Variants in BTRC observed in about 807,000 individuals in gnomAD.
The protein encoded by BTRC is F-box/WD repeat-containing protein 1A.
A neutral mutation model predicts 85.5 loss-of-function variants in BTRC; 42 were observed. The observed-to-expected ratio is 0.49, with a 90% CI of 0.38 to 0.64. The LOEUF is 0.64. Ranked by LOEUF, BTRC falls within the 30% of genes least tolerant of loss-of-function variation. The probability of loss-of-function intolerance (pLI) is 0.00; values close to 1 mark genes in which losing one functional copy is unlikely to be tolerated. For synonymous variants in BTRC, 255 were observed against 263.3 expected (o/e 0.97, Z 0.30); for missense variants, 594 against 743.5 (o/e 0.80, Z 2.34).
chr10:101,501,217 C>T (rs994603693), intron 4 of BTRC, among the ~76,000 whole-genome samples: 12 of 151,254 alleles, frequency 7.9e-5, no homozygotes, highest in Non-Finnish European at 1.2e-4. Context: ...TATGCTTAAA[C>T]GCCAATATGA....
chr10:101,518,339 G>T (rs1436417787), intron 4 of BTRC, among the ~76,000 whole-genome samples: 1 of 152,142 alleles, frequency 6.6e-6, no homozygotes, highest in African/African-American at 2.4e-5. Flanking sequence ...TGCCCATGTG[G>T]CCCCTCTGTA....
chr10:101,495,322 C>G (rs1036748108), intron 4 of BTRC, among the ~76,000 whole-genome samples: 1 of 152,192 alleles, frequency 6.6e-6, no homozygotes, highest in African/African-American at 2.4e-5. Flanking sequence ...TTTTAAGCCT[C>G]CTTTCTAAGT....
intron 1 of BTRC, among the ~76,000 whole-genome samples, chr10:101,407,283 G>A (rs538215696): frequency 6.9e-4 from 105 of 152,200 alleles, no homozygotes; most frequent in Non-Finnish European, 1.3e-3. Context: ...AGGAGTTTGA[G>A]GTTCTAGGGA....
intron 1 of BTRC, among the ~76,000 whole-genome samples, chr10:101,389,842 C>CT (rs1943192122): frequency 6.6e-6 from 1 of 152,036 alleles, no homozygotes; most frequent in Admixed American, 6.6e-5. Flanking sequence ...CCAGCCTGGT[C>CT]TTGACCTCTT....
rs1945085088 is a variant in BTRC at position 101,456,409 on chromosome 10, A to AG, written c.157-5572_157-5571insG. Reference sequence around the variant, plus strand: ...TAGCTAGATATGTTCAAAGAAAAAAAAGGAATGAGTAAAAACTGACTCTGA... The same window carrying AG: ...TAGCTAGATATGTTCAAAGAAAAAAAGAGGAATGAGTAAAAACTGACTCTGA... On this transcript the variant is annotated intron_variant, in intron 2 of 14. Coordinates refer to ENST00000370187, the MANE Select transcript of BTRC (RefSeq NM_033637.4). 1.2e-4 allele frequency among the ~76,000 whole-genome samples: 18 copies of AG among 152,300 alleles called. No individual in the cohort carries two copies. In the South Asian group the frequency reaches 3.7e-3, roughly 32 times the overall value.
At position 101,538,303 on chromosome 10, in the gene BTRC, G is replaced by C; in HGVS notation, c.1588G>C (p.Val530Leu). Residue 530 changes from valine to leucine, a missense_variant, in exon 13 of 15, where the codon GTG becomes CTG. By Grantham distance (32) the Val-to-Leu change is conservative. Transcript: ENST00000370187. ...VSGAYDGKIKVWDLVAALDPR... is the reference protein window; with the variant it reads ...VSGAYDGKIKLWDLVAALDPR... ...CTTTTTGATCTTTAGAAAAATTAAAGTGTGGGATCTTGTGGCTGCTTTGGA... is the reference window on the plus strand; with the variant it reads ...CTTTTTGATCTTTAGAAAAATTAAACTGTGGGATCTTGTGGCTGCTTTGGA... 1 of 1,613,960 alleles carries C rather than the reference G, an allele frequency of 6.2e-7. No homozygotes were observed.
At position 101,532,384 on chromosome 10, in the gene BTRC, G is replaced by A; in HGVS notation, c.930G>A (p.Gln310=). The A allele has an allele frequency of 1.2e-6, 2 of 1,613,696 alleles. No individual in the cohort carries two copies. Among genetic ancestry groups the A allele is most frequent in the South Asian group, 2.2e-5 (2 of 90,970 alleles). ...CAAGCAAAGGAGTTTACTGTTTACA[G>A]TATGATGATCAGAAAATAGTAAGCG... ...SETSKGVYCL[Q]YDDQKIVSGL... Residue 310 remains glutamine, a synonymous_variant, in exon 8 of 15, where the codon CAG becomes CAA. Coordinates refer to ENST00000370187, the MANE Select transcript of BTRC (RefSeq NM_033637.4).
In BTRC at chr10:101,458,816, A is replaced by G. The variant is rs151203144; in HGVS notation, c.157-3165A>G. ...TTCAGTACATCATATTAAAAGGCAC[A>G]TAATCTTAAGGTGGCATCTGCTGGA... is the stretch of plus-strand genomic sequence containing the variant. On this transcript the variant is annotated intron_variant, in intron 2 of 14. Transcript: ENST00000370187. Among the ~76,000 whole-genome samples the G allele has an allele frequency of 2.6e-3, 401 of 152,332 alleles. 4 individuals carry two copies. The highest frequency in any genetic ancestry group is 7.9e-4 in the African/African-American group (33 of 41,584).
chr10:101,413,029 C>T (rs1943824933), intron 1 of BTRC, among the ~76,000 whole-genome samples: 1 of 152,242 alleles, frequency 6.6e-6, no homozygotes, highest in Non-Finnish European at 1.5e-5. Context: ...AAAATTGACA[C>T]TGTCACCATT....
At chr10:101,521,126 G>A (rs750906635) in intron 4 of BTRC, among the ~76,000 whole-genome samples, 20 of 152,038 alleles carry the variant, frequency 1.3e-4, no homozygotes, top group Non-Finnish European at 2.4e-4. Flanking sequence ...TTAAAAATTA[G>A]CAGGACATGA....
At chr10:101,501,103 G>A (rs1303872685) in intron 4 of BTRC, among the ~76,000 whole-genome samples, 1 of 151,720 alleles carries the variant, frequency 6.6e-6, no homozygotes, top group African/African-American at 2.4e-5. Flanking sequence ...GGCTGAGGCA[G>A]AATTGCCTGA....
intron 13 of BTRC, among the ~76,000 whole-genome samples, chr10:101,546,913 C>CGAT (rs1224814765): frequency 2.0e-5 from 3 of 152,168 alleles, no homozygotes; most frequent in Non-Finnish European, 4.4e-5. Context: ...CTAGGCAGAT[C>CGAT]CACTGGTGAA....
intron 1 of BTRC, chr10:101,365,043 C>T: frequency 6.6e-6 from 1 of 151,258 alleles, no homozygotes; most frequent in South Asian, 2.1e-4. Context: ...GATTTTAATT[C>T]TTTTTCTTTT....
chr10:101,505,129 GTA>G (rs1405535239), intron 4 of BTRC, among the ~76,000 whole-genome samples: 1 of 76,080 alleles, frequency 1.3e-5, no homozygotes, highest in Non-Finnish European at 2.2e-5. Context: ...ATATATATGT[GTA>G]TATATATGTA....
intron 8 of BTRC, 25 bp from the exon 9 acceptor site, chr10:101,532,927 A>T (rs766176423): frequency 6.4e-7 from 1 of 1,557,408 alleles, no homozygotes; most frequent in Non-Finnish European, 8.9e-7. Context: ...CACATTGATC[A>T]AAAGGATCTT....
chr10:101,553,915 T>TGA lies in BTRC; in HGVS notation c.*792_*793insGA, dbSNP rs1564844295. 1 of 152,610 alleles carries TGA rather than the reference T, an allele frequency of 6.6e-6. No homozygotes were observed. The highest frequency in any genetic ancestry group is 2.4e-5 in the African/African-American group (1 of 41,434). The allele number at this position is 152,610 out of a possible 1,614,324, so 9.5% of individuals were successfully genotyped here. A position where few individuals can be genotyped will look rare whatever the true frequency, so the allele number is the denominator to read the frequency against. ...AACACTTGGAAGAGTTAAATGCTGT[T>TGA]CAGTGAAGATTTCAGCCCCAGGCCT... On this transcript the variant is annotated 3_prime_UTR_variant, in exon 15 of 15. Coordinates refer to ENST00000370187, the MANE Select transcript of BTRC (RefSeq NM_033637.4).
intron 1 of BTRC, among the ~76,000 whole-genome samples, chr10:101,361,984 C>T (rs554453216): frequency 3.9e-5 from 6 of 152,204 alleles, no homozygotes; most frequent in Admixed American, 1.3e-4. Flanking sequence ...CCCCTTGAGA[C>T]GGAGTCTCAC....
At chr10:101,522,979 A>G (rs575078124) in intron 5 of BTRC, among the ~76,000 whole-genome samples, 99 of 152,198 alleles carry the variant, frequency 6.5e-4, no homozygotes, top group Non-Finnish European at 5.0e-4. Context: ...GCCGAAGTGG[A>G]TGGATCACGA....
chr10:101,457,468 A>G (rs1467702294), intron 2 of BTRC, among the ~76,000 whole-genome samples: 1 of 152,246 alleles, frequency 6.6e-6, no homozygotes, highest in East Asian at 1.9e-4. Context: ...AGAAAGGTGC[A>G]CAATTGAAAA....
Sources: gnomAD v4.1 joint callset for allele counts (sites outside exome capture counted in the v4.1 genomes callset) on GRCh38, gnomAD v4.1.1 for gene constraint, MANE v1.5 for transcripts, NCBI Gene and HGNC (gene_info 2026-07-23, HGNC 2026-07-21) for gene names.